COLEC10: variants seen among roughly 807,000 people sequenced by gnomAD.
COLEC10 encodes collectin-10.
COLEC10 carries 22 observed loss-of-function variants against 28.4 expected under a neutral mutation model. That is an observed-to-expected ratio of 0.78 (90% CI 0.55 to 1.11). The LOEUF (loss-of-function observed/expected upper bound fraction) is 1.11, where lower values mean the gene tolerates loss of function less well. COLEC10 is among the 50% of genes least tolerant of loss of function. The pLI is 0.00. For synonymous variants in COLEC10, 125 were observed against 116.1 expected (o/e 1.08, Z -0.49); for missense variants, 361 against 344.1 (o/e 1.05, Z -0.39).
chr8:119,042,395 TTTAAC>T (rs1294713404), intron 2 of COLEC10, among the ~76,000 whole-genome samples: 3 of 119,422 alleles, frequency 2.5e-5, no homozygotes, highest in Non-Finnish European at 4.9e-5. Context: ...TAAGCTTTTA[TTTAAC>T]TTAATTTATT....
the COLEC10 span, among the ~76,000 whole-genome samples, chr8:118,966,428 C>T: frequency 1.1e-3 from 162 of 152,132 alleles, no homozygotes; most frequent in African/African-American, 3.6e-3. Context: ...AAAGAAGGAA[C>T]GAGTCATTCT....
At chr8:119,102,229 TCC>T in intron 3 of COLEC10, 117 bp from the exon 4 acceptor site, 1 of 222,426 alleles carries the variant, frequency 4.5e-6, no homozygotes, top group Non-Finnish European at 8.3e-6. Flanking sequence ...CCTCCCTCCC[TCC>T]CTCCCTCCCT....
At chr8:119,079,367 G>A (rs1815322752) in intron 1 of COLEC10, among the ~76,000 whole-genome samples, 1 of 152,164 alleles carries the variant, frequency 6.6e-6, no homozygotes. Flanking sequence ...TACCCTTTCA[G>A]TGATGGAGCC....
chr8:119,086,598 G>C (rs891489232), intron 1 of COLEC10, among the ~76,000 whole-genome samples: 4 of 152,140 alleles, frequency 2.6e-5, no homozygotes, highest in Admixed American at 2.6e-4. Flanking sequence ...CACCCTCCCA[G>C]ATCTCCATCA....
chr8:119,069,116 T>A (rs1413408017), intron 1 of COLEC10, among the ~76,000 whole-genome samples: 1 of 152,130 alleles, frequency 6.6e-6, no homozygotes, highest in East Asian at 1.9e-4. Flanking sequence ...CGCATCTACA[T>A]ACCAAGCTTT....
chr8:118,997,081 T>A (rs1164001187), intron 1 of COLEC10, among the ~76,000 whole-genome samples: 1 of 152,198 alleles, frequency 6.6e-6, no homozygotes, highest in Non-Finnish European at 1.5e-5. Context: ...CCAAACCATA[T>A]CACCTTCTTT....
At chr8:119,055,422 T>G (rs1814743500) in intron 2 of COLEC10, among the ~76,000 whole-genome samples, 1 of 152,060 alleles carries the variant, frequency 6.6e-6, no homozygotes. Flanking sequence ...TGTAAACCTT[T>G]ATTTGACCTG....
At chr8:119,091,595 G>GAGAGAAAGAAAGAAAGAA (rs1250359009) in intron 3 of COLEC10, among the ~76,000 whole-genome samples, 48 of 138,570 alleles carry the variant, frequency 3.5e-4, no homozygotes, top group African/African-American at 1.3e-3. Context: ...GAGAGAGAGA[G>GAGAGAAAGAAAGAAAGAA]AGAAAGAAAG....
the COLEC10 span, among the ~76,000 whole-genome samples, chr8:118,963,601 T>G: frequency 1.3e-5 from 2 of 152,364 alleles, no homozygotes; most frequent in South Asian, 4.1e-4. Flanking sequence ...TAGGATGCAT[T>G]AAAACATCAA....
intron 2 of COLEC10, 130 bp from the exon 3 acceptor site, chr8:119,091,019 G>A (rs1285805803): frequency 1.4e-6 from 1 of 716,802 alleles, no homozygotes; most frequent in Non-Finnish European, 2.5e-6. Context: ...AATATAGCAT[G>A]GGATATATAT....
At chr8:119,091,085 C>T (rs537010456) in intron 2 of COLEC10, 64 bp from the exon 3 acceptor site, 8 of 1,272,522 alleles carry the variant, frequency 6.3e-6, no homozygotes, top group South Asian at 6.0e-5. Flanking sequence ...GTGAATATCA[C>T]ATTAGCCACA....
chr8:118,974,639 C>A, the COLEC10 span, among the ~76,000 whole-genome samples: 5 of 151,900 alleles, frequency 3.3e-5, no homozygotes, highest in African/African-American at 1.2e-4. Context: ...TCAATATCTC[C>A]CATGGTAATT....
At chr8:118,963,730 C>T in the COLEC10 span, among the ~76,000 whole-genome samples, 1 of 151,942 alleles carries the variant, frequency 6.6e-6, no homozygotes, top group Non-Finnish European at 1.5e-5. Flanking sequence ...TGTTATATTG[C>T]TTTTTTTTCT....
At chr8:118,971,980 C>G in the COLEC10 span, among the ~76,000 whole-genome samples, 3 of 151,974 alleles carry the variant, frequency 2.0e-5, no homozygotes, top group Non-Finnish European at 2.9e-5. Context: ...AAGATTAATT[C>G]GTACTTTACT....
intron 2 of COLEC10, among the ~76,000 whole-genome samples, chr8:119,056,470 G>A (rs1814763573): frequency 6.6e-6 from 1 of 151,998 alleles, no homozygotes; most frequent in Non-Finnish European, 1.5e-5. Context: ...TGCCTAGAAT[G>A]TAGATGCAAT....
At chr8:119,034,267 C>T (rs989170334) in intron 2 of COLEC10, among the ~76,000 whole-genome samples, 1 of 152,110 alleles carries the variant, frequency 6.6e-6, no homozygotes, top group South Asian at 2.1e-4. Context: ...GGAGGGATAG[C>T]ATTTGGAGAA....
the COLEC10 span, among the ~76,000 whole-genome samples, chr8:118,960,226 G>A: frequency 6.6e-6 from 1 of 152,100 alleles, no homozygotes; most frequent in Admixed American, 6.5e-5. Flanking sequence ...CAGCAATGGT[G>A]AGAGAGGACC....
chr8:119,058,855 T>G (rs566228795), intron 2 of COLEC10, among the ~76,000 whole-genome samples: 7 of 152,126 alleles, frequency 4.6e-5, no homozygotes, highest in African/African-American at 7.2e-5. Flanking sequence ...TTTTCAAAAG[T>G]GACTGTACAT....
chr8:118,971,123 A>G, the COLEC10 span, among the ~76,000 whole-genome samples: 10 of 151,880 alleles, frequency 6.6e-5, no homozygotes, highest in African/African-American at 2.4e-4. Flanking sequence ...TGGCCTCCTC[A>G]TTATGTAGGA....
Sources: allele counts gnomAD v4.1 joint callset (sites outside exome capture counted in the v4.1 genomes callset), GRCh38; gene constraint gnomAD v4.1.1; transcripts MANE v1.5; gene names NCBI Gene and HGNC (gene_info 2026-07-23, HGNC 2026-07-21).